COPG2: variants seen among roughly 807,000 people sequenced by gnomAD.
COPG2 encodes coat protein complex I subunit gamma 2.
Under a neutral mutation model 46.3 loss-of-function variants are expected in COPG2, and 37 were observed. That is an observed-to-expected ratio of 0.80 (90% CI 0.61 to 1.05). The LOEUF (loss-of-function observed/expected upper bound fraction) is 1.05. Ranked by LOEUF, COPG2 falls within the 50% of genes least tolerant of loss-of-function variation. The pLI is 0.00. For synonymous variants in COPG2, 159 were observed against 129.7 expected, an observed-to-expected ratio of 1.23 and a Z score of -1.53; for missense variants, 427 against 387.8, an observed-to-expected ratio of 1.10 and a Z score of -0.85.
At chr7:130,530,482 A>G (rs1799813486) in intron 20 of COPG2, among the ~76,000 whole-genome samples, 1 of 152,242 alleles carries the variant, frequency 6.6e-6, no homozygotes, top group South Asian at 2.1e-4. Flanking sequence ...GAGCAACAGA[A>G]AACAGTTCTT....
intron 20 of COPG2, among the ~76,000 whole-genome samples, chr7:130,522,642 G>A (rs1799733443): frequency 1.3e-5 from 2 of 151,936 alleles, no homozygotes; most frequent in African/African-American, 4.8e-5. Flanking sequence ...GCCAGAGGAA[G>A]AAAAGGAAAT....
At chr7:130,668,604 G>A in intron 1 of COPG2, 28 bp downstream of exon 1, 1 of 1,516,358 alleles carries the variant, frequency 6.6e-7, no homozygotes, top group Non-Finnish European at 8.8e-7. Context: ...CCGCGGCTGA[G>A]GGTGGGCCTC....
chr7:130,535,301 G>A (rs970859293), intron 20 of COPG2, among the ~76,000 whole-genome samples: 4 of 152,094 alleles, frequency 2.6e-5, no homozygotes, highest in East Asian at 1.9e-4. Flanking sequence ...ATGAGGCAGC[G>A]CCGACAGGGG....
At chr7:130,537,983 T>C (rs1584966659) in intron 20 of COPG2, among the ~76,000 whole-genome samples, 1 of 152,016 alleles carries the variant, frequency 6.6e-6, no homozygotes, top group Admixed American at 6.6e-5. Context: ...CACTGTTCCT[T>C]AGAGGCAGAA....
intron 20 of COPG2, among the ~76,000 whole-genome samples, chr7:130,513,300 AAAAAAAAAATATATATAT>A (rs1332224639): frequency 1.6e-4 from 6 of 38,702 alleles, no homozygotes; most frequent in African/African-American, 8.5e-4. Flanking sequence ...TAAAAAAAAA[AAAAAAAAAATATATATAT>A]ATATATATAT....
chr7:130,627,625 C>A (rs1057512119), intron 5 of COPG2, among the ~76,000 whole-genome samples: 8 of 152,122 alleles, frequency 5.3e-5, no homozygotes, highest in African/African-American at 1.9e-4. Flanking sequence ...CTTCATGACA[C>A]CAGCCCCAGA....
chr7:130,602,090 T>C lies in COPG2; in HGVS notation c.737+8863A>G, dbSNP rs1794645187. ...GGGACCTTGAATCAAACTGGACAGATTCTCTCAGATCCCTGACCATAGCAA... is the reference window on the plus strand; with the variant it reads ...GGGACCTTGAATCAAACTGGACAGACTCTCTCAGATCCCTGACCATAGCAA... On this transcript the variant is annotated intron_variant, in intron 9 of 23. Transcript: ENST00000425248. 2.0e-5 allele frequency among the ~76,000 whole-genome samples: 3 copies of C among 152,172 alleles called. No individual in the cohort carries two copies. The South Asian group carries it at 6.2e-4, about 32-fold the overall frequency.
intron 5 of COPG2, among the ~76,000 whole-genome samples, chr7:130,642,489 G>T (rs1175674453): frequency 1.3e-5 from 2 of 152,146 alleles, no homozygotes; most frequent in African/African-American, 4.8e-5. Flanking sequence ...TATACGAAGA[G>T]AATCATCCAG....
chr7:130,650,998 G>A (rs186062262), intron 5 of COPG2, among the ~76,000 whole-genome samples: 3 of 152,130 alleles, frequency 2.0e-5, no homozygotes, highest in Admixed American at 6.5e-5. Flanking sequence ...GTTTACATCT[G>A]CTTTTCTGTT....
At chr7:130,538,098 C>A (rs1218261417) in intron 20 of COPG2, among the ~76,000 whole-genome samples, 1 of 151,934 alleles carries the variant, frequency 6.6e-6, no homozygotes, top group Non-Finnish European at 1.5e-5. Flanking sequence ...GGGGGCAGGG[C>A]AGGAAGGGGT....
At chr7:130,545,625 T>C (rs1372075176) in intron 20 of COPG2, among the ~76,000 whole-genome samples, 3 of 152,218 alleles carry the variant, frequency 2.0e-5, no homozygotes, top group African/African-American at 7.2e-5. Context: ...GAGTTTGTTT[T>C]TTAAGTAGGT....
intron 5 of COPG2, among the ~76,000 whole-genome samples, chr7:130,620,542 T>C (rs1413169065): frequency 2.0e-5 from 3 of 152,258 alleles, no homozygotes; most frequent in South Asian, 2.1e-4. Context: ...GACTCTTTTC[T>C]TTCCTCTCAT....
intron 20 of COPG2, among the ~76,000 whole-genome samples, chr7:130,540,276 G>T (rs1303532080): frequency 1.3e-5 from 2 of 152,152 alleles, no homozygotes; most frequent in Non-Finnish European, 1.5e-5. Context: ...TCCACCGAAA[G>T]AAGTAAATGA....
At chr7:130,528,839 G>C (rs1799798189) in intron 20 of COPG2, among the ~76,000 whole-genome samples, 1 of 152,024 alleles carries the variant, frequency 6.6e-6, no homozygotes, top group Admixed American at 6.5e-5. Flanking sequence ...CAGGCGCCAA[G>C]AGGGAGGGAG....
chr7:130,647,646 G>A lies in COPG2; in HGVS notation c.323+5223C>T, dbSNP rs534513000. Among the ~76,000 whole-genome samples the A allele has an allele frequency of 7.3e-5, 11 of 151,662 alleles. No individual in the cohort carries two copies. The South Asian group carries it at 1.9e-3, about 26-fold the overall frequency. ...GGAGTTTCAATTGTTCCAAATGTTC[G>A]ATATTGGAATAGGCTTTTTTATTTT... On this transcript the variant is annotated intron_variant, in intron 5 of 23. Transcript: ENST00000425248.
At chr7:130,639,173 C>T (rs913895824) in intron 5 of COPG2, among the ~76,000 whole-genome samples, 29 of 152,230 alleles carry the variant, frequency 1.9e-4, no homozygotes, top group African/African-American at 4.8e-4. Context: ...TGTTCCTATT[C>T]GGCCATCTTG....
chr7:130,628,920 C>T (rs530088840), intron 5 of COPG2, among the ~76,000 whole-genome samples: 1 of 152,216 alleles, frequency 6.6e-6, no homozygotes, highest in African/African-American at 2.4e-5. Context: ...TAGTAGTGTT[C>T]GCCTGTAGTC....
chr7:130,654,547 T>C (rs782433191), intron 4 of COPG2, among the ~76,000 whole-genome samples: 88 of 152,066 alleles, frequency 5.8e-4, no homozygotes, highest in Admixed American at 1.6e-3. Context: ...TTAATGTAAA[T>C]GTGCACGTGT....
At chr7:130,589,017 T>C (rs1277224907) in intron 9 of COPG2, among the ~76,000 whole-genome samples, 2 of 152,314 alleles carry the variant, frequency 1.3e-5, no homozygotes, top group African/African-American at 4.8e-5. Context: ...GCATTGGCTG[T>C]ATATTTACTT....
Sources: gnomAD v4.1 joint callset for allele counts (sites outside exome capture counted in the v4.1 genomes callset) on GRCh38, gnomAD v4.1.1 for gene constraint, MANE v1.5 for transcripts, NCBI Gene and HGNC (gene_info 2026-07-23, HGNC 2026-07-21) for gene names.